MCPH1: variants seen among roughly 807,000 people sequenced by gnomAD.
The protein encoded by MCPH1 is microcephalin 1.
In MCPH1, 104 loss-of-function variants were observed where a neutral mutation model predicts 84.5. The ratio of observed to expected loss-of-function variants is 1.23; its 90% CI spans 1.05 to 1.45. The LOEUF is 1.45. MCPH1 is among the 40% of genes most tolerant of loss of function. The probability of loss-of-function intolerance (pLI) is 0.00; values close to 1 mark genes in which losing one functional copy is unlikely to be tolerated. For synonymous variants in MCPH1, 514 were observed against 366.8 expected (o/e 1.40, Z -4.58); for missense variants, 1,498 against 1,005.7 (o/e 1.49, Z -6.62).
At chr8:6,424,899 G>C (rs1471022943) in intron 3 of MCPH1, among the ~76,000 whole-genome samples, 1 of 152,236 alleles carries the variant, frequency 6.6e-6, no homozygotes, top group East Asian at 1.9e-4. Context: ...TCTTCAAGGA[G>C]ATGCCATTCA....
chr8:6,470,473 T>G (rs571976888), intron 9 of MCPH1, among the ~76,000 whole-genome samples: 1 of 152,216 alleles, frequency 6.6e-6, no homozygotes, highest in Admixed American at 6.5e-5. Context: ...TTAGGAGAGA[T>G]AGGGTTTCAC....
chr8:6,535,016 A>C (rs1263353417), intron 12 of MCPH1, among the ~76,000 whole-genome samples: 2 of 152,218 alleles, frequency 1.3e-5, no homozygotes, highest in Non-Finnish European at 2.9e-5. Context: ...ATATTTAAAA[A>C]GTTTCATTCC....
chr8:6,483,755 G>A (rs184374183), intron 11 of MCPH1, among the ~76,000 whole-genome samples: 1 of 152,270 alleles, frequency 6.6e-6, no homozygotes, highest in East Asian at 1.9e-4. Context: ...AGCTACTCAG[G>A]AGGCTGAGGC....
At chr8:6,410,717 A>C (rs912603751) in intron 2 of MCPH1, among the ~76,000 whole-genome samples, 4 of 152,190 alleles carry the variant, frequency 2.6e-5, no homozygotes, top group African/African-American at 9.7e-5. Context: ...TTCATTCCCA[A>C]AGATAAGGCT....
intron 12 of MCPH1, among the ~76,000 whole-genome samples, chr8:6,559,248 C>CACACACAT (rs1171249410): frequency 6.6e-6 from 1 of 151,816 alleles, no homozygotes; most frequent in African/African-American, 2.4e-5. Context: ...CACACACACA[C>CACACACAT]ACACACACAC....
intron 12 of MCPH1, among the ~76,000 whole-genome samples, chr8:6,611,180 G>A (rs946913428): frequency 1.3e-5 from 2 of 151,848 alleles, no homozygotes; most frequent in Non-Finnish European, 2.9e-5. Flanking sequence ...CAAATGTATG[G>A]GTTTTTTTCA....
intron 6 of MCPH1, among the ~76,000 whole-genome samples, chr8:6,439,501 C>T (rs919340378): frequency 6.6e-6 from 1 of 151,662 alleles, no homozygotes; most frequent in African/African-American, 2.4e-5. Context: ...TCTACTGCCT[C>T]AGCCTCCCGA....
intron 12 of MCPH1, among the ~76,000 whole-genome samples, chr8:6,597,212 G>C (rs1218023294): frequency 2.6e-5 from 4 of 152,184 alleles, no homozygotes; most frequent in African/African-American, 7.2e-5. Flanking sequence ...CCTCAGTCCT[G>C]TGTGGGGTCT....
intron 11 of MCPH1, among the ~76,000 whole-genome samples, chr8:6,494,703 T>C (rs1192475571): frequency 6.6e-6 from 1 of 152,052 alleles, no homozygotes; most frequent in East Asian, 1.9e-4. Flanking sequence ...GGTAAATCCA[T>C]AGAATAGAAA....
chr8:6,503,153 G>A, intron 12 of MCPH1: 1 of 1,614,206 alleles, frequency 6.2e-7, no homozygotes, highest in South Asian at 1.1e-5. Flanking sequence ...CGAATAGCCT[G>A]AGCCTTTCCA....
intron 3 of MCPH1, among the ~76,000 whole-genome samples, chr8:6,420,037 G>A: frequency 6.6e-6 from 1 of 151,286 alleles, no homozygotes; most frequent in African/African-American, 2.4e-5. Context: ...TTCTTTTATA[G>A]GTGATGCTGG....
At chr8:6,612,058 G>A (rs1049007794) in intron 12 of MCPH1, among the ~76,000 whole-genome samples, 1 of 152,122 alleles carries the variant, frequency 6.6e-6, no homozygotes, top group African/African-American at 2.4e-5. Context: ...CTGGCACTCG[G>A]CCCCCAGCCT....
chr8:6,518,735 T>C (rs1455482692), intron 12 of MCPH1, among the ~76,000 whole-genome samples: 2 of 152,158 alleles, frequency 1.3e-5, no homozygotes, highest in African/African-American at 2.4e-5. Flanking sequence ...CTGTAGTTAT[T>C]TGTGTTGGTT....
intron 13 of MCPH1, among the ~76,000 whole-genome samples, chr8:6,633,075 T>C (rs373849137): frequency 1.8e-4 from 27 of 151,352 alleles, no homozygotes; most frequent in African/African-American, 5.6e-4. Flanking sequence ...TTCTTAACTA[T>C]GGAGGTTATC....
At chr8:6,519,314 G>T (rs1398183147) in intron 12 of MCPH1, among the ~76,000 whole-genome samples, 1 of 152,162 alleles carries the variant, frequency 6.6e-6, no homozygotes, top group Non-Finnish European at 1.5e-5. Flanking sequence ...CGTTTGCTCA[G>T]ATAGAGCAAA....
chr8:6,468,003 A>C (rs1450440707), intron 9 of MCPH1, among the ~76,000 whole-genome samples: 1 of 152,164 alleles, frequency 6.6e-6, no homozygotes, highest in Admixed American at 6.5e-5. Context: ...TTTTTCCCCA[A>C]GTTCAGCCCA....
At chr8:6,409,427 T>TA (rs1798227507) in intron 2 of MCPH1, 57 bp downstream of exon 2, 1 of 1,364,514 alleles carries the variant, frequency 7.3e-7, no homozygotes, top group Non-Finnish European at 1.0e-6. Context: ...GGTAAAAAGT[T>TA]ACATTTGCAT....
chr8:6,634,117 G>T (rs969939052), intron 13 of MCPH1, among the ~76,000 whole-genome samples: 1 of 152,160 alleles, frequency 6.6e-6, no homozygotes, highest in Non-Finnish European at 1.5e-5. Flanking sequence ...ATGAAGATGT[G>T]AATAGTGTAT....
intron 4 of MCPH1, among the ~76,000 whole-genome samples, chr8:6,432,722 G>A (rs540543912): frequency 9.9e-5 from 15 of 152,234 alleles, no homozygotes; most frequent in African/African-American, 2.6e-4. Context: ...ATATTTCTTC[G>A]TTACATTTCA....
Sources: allele counts gnomAD v4.1 joint callset (sites outside exome capture counted in the v4.1 genomes callset), GRCh38; gene constraint gnomAD v4.1.1; transcripts MANE v1.5; gene names NCBI Gene and HGNC (gene_info 2026-07-23, HGNC 2026-07-21).